The following RIF1 variants were observed in gnomAD, a reference collection of about 807,000 sequenced individuals.
RIF1 encodes replication timing regulatory factor 1, also known as telomere-associated protein RIF1.
A neutral mutation model predicts 247.1 loss-of-function variants in RIF1; 45 were observed. The ratio of observed to expected loss-of-function variants is 0.18; its 90% CI spans 0.14 to 0.23. The LOEUF is 0.23. RIF1 is among the 10% of genes least tolerant of loss of function. The probability of loss-of-function intolerance (pLI) is 1.00; values close to 1 mark genes in which losing one functional copy is unlikely to be tolerated. For missense variants in RIF1, 2,967 were observed against 2,862.5 expected, an observed-to-expected ratio of 1.04 and a Z score of -0.83; for synonymous variants, 1,087 against 978.8, an observed-to-expected ratio of 1.11 and a Z score of -2.06.
At chr2:151,533,199 C>T in the RIF1 span, among the ~76,000 whole-genome samples, 1 of 152,206 alleles carries the variant, frequency 6.6e-6, no homozygotes, top group Non-Finnish European at 1.5e-5. Flanking sequence ...TTGGAAATAA[C>T]ACTTGAAAGA....
At chr2:151,441,746 TAGTG>T (rs1692328189) in intron 15 of RIF1, among the ~76,000 whole-genome samples, 155 bp from the exon 16 acceptor site, 1 of 152,232 alleles carries the variant, frequency 6.6e-6, no homozygotes, top group Non-Finnish European at 1.5e-5. Context: ...ATATTCATGT[TAGTG>T]AATGAATGTA....
Position 151,443,264 on chromosome 2 carries a change from T to C in RIF1, c.1740T>C (p.Thr580=), listed in dbSNP as rs1423233133. ...GACTTCATTTTCTCCTTCAGGGAAC[T>C]CCAGCTTTGTTCTTAATTCAATTAA... ...QVANMDILNG[T]PALFLIQLIF... The change falls in exon 17 of 36, where the codon ACT becomes ACC. Residue 580 remains threonine, a synonymous_variant. Coordinates refer to ENST00000444746, the MANE Select transcript of RIF1 (RefSeq NM_018151.5). 8 of 1,582,842 alleles carry C rather than the reference T, an allele frequency of 5.1e-6. 1 individual carries two copies. The Middle Eastern group carries it at 9.9e-4, about 197-fold the overall frequency.
chr2:151,531,591 A>ACAGGCATAAGCCACCACGC, the RIF1 span, among the ~76,000 whole-genome samples: 7 of 152,186 alleles, frequency 4.6e-5, no homozygotes, highest in Non-Finnish European at 7.3e-5. Context: ...TGCTGGAATT[A>ACAGGCATAAGCCACCACGC]CAGGCATAAG....
chr2:151,503,313 G>A (rs775980102), intron 12 of RIF1: 1 of 1,457,336 alleles, frequency 6.9e-7, no homozygotes, highest in Admixed American at 1.7e-5. Context: ...AATTTTTTAT[G>A]GGAAATAGTT....
intron 35 of RIF1, 49 bp from the exon 36 acceptor site, chr2:151,474,808 A>C (rs771788869): frequency 1.4e-5 from 15 of 1,084,236 alleles, no homozygotes; most frequent in South Asian, 5.6e-5. Context: ...TAAAAAATTT[A>C]ATTTTTGTCT....
intron 9 of RIF1, among the ~76,000 whole-genome samples, chr2:151,494,412 T>C (rs2058715391): frequency 6.6e-6 from 1 of 152,094 alleles, no homozygotes; most frequent in South Asian, 2.1e-4. Flanking sequence ...GGAAGTTAAG[T>C]GTAGTTACAG....
At chr2:151,511,317 G>C (rs985411740), downstream of RIF1, among the ~76,000 whole-genome samples, 3 of 152,134 alleles carry the variant, frequency 2.0e-5, no homozygotes, top group African/African-American at 7.2e-5. Flanking sequence ...TCCACCATTT[G>C]AATATACCTG....
Position 151,462,989 on chromosome 2 carries a change from TCTCTTGACAAAA to T in RIF1, c.3471_3482del (p.Leu1158_Thr1161del). ...CTCCCTTTCGAATAATGAGTGTGGT[TCTCTTGACAAAA>T]CCAGTCCAGAAATGTCAAACAGTAA... On this transcript the variant is annotated inframe_deletion, in exon 30 of 36. Transcript: ENST00000444746. 2 of 1,614,016 alleles carry T rather than the reference TCTCTTGACAAAA, an allele frequency of 1.2e-6. No individual in the cohort carries two copies. Among genetic ancestry groups the T allele is most frequent in the Non-Finnish European group, 1.7e-6 (2 of 1,179,914 alleles).
intron 6 of RIF1, among the ~76,000 whole-genome samples, chr2:151,417,249 T>C (rs921446856): frequency 6.6e-6 from 1 of 152,178 alleles, no homozygotes; most frequent in Non-Finnish European, 1.5e-5. Context: ...AGGCAGTCAG[T>C]GTTTAGCAGG....
intron 4 of RIF1, among the ~76,000 whole-genome samples, chr2:151,415,527 G>A (rs1687048919): frequency 7.3e-6 from 1 of 137,854 alleles, no homozygotes; most frequent in Non-Finnish European, 1.5e-5. Context: ...CTGGCAGGCA[G>A]AGCTTGCCAC....
chr2:151,502,775 TGGCCCCC>T, intron 11 of RIF1: 1 of 1,404,420 alleles, frequency 7.1e-7, no homozygotes, highest in Non-Finnish European at 1.0e-6. Context: ...TTTTTTTTTT[TGGCCCCC>T]TAAGAAATAC....
chr2:151,456,752 G>A (rs550793011), intron 23 of RIF1, 132 bp downstream of exon 23: 2 of 538,444 alleles, frequency 3.7e-6, no homozygotes, highest in African/African-American at 4.0e-5. Flanking sequence ...TTTTCCTGGA[G>A]ACAGCATTTT....
At chr2:151,508,782 T>C (rs2071431119), downstream of RIF1, among the ~76,000 whole-genome samples, 1 of 152,214 alleles carries the variant, frequency 6.6e-6, no homozygotes, top group South Asian at 2.1e-4. Flanking sequence ...GACATCACTA[T>C]TCCTTGGGCT....
rs746203305 is a variant in RIF1, at chr2:151,465,877, A to G, written c.6357A>G (p.Lys2119=). 2 of 1,613,740 alleles carry G rather than the reference A, an allele frequency of 1.2e-6. No individual in the cohort carries two copies. The highest frequency in any genetic ancestry group is 1.7e-6 in the Non-Finnish European group (2 of 1,179,604). ...AGGAAGATCACCATACTTCACAGAA[A>G]GTGGAGGAACCATCACAGTGTCTGG... is the stretch of plus-strand genomic sequence containing the variant. ...ILQEDHHTSQ[K]VEEPSQCLAS... Residue 2119 remains lysine, a synonymous_variant, in exon 30 of 36, where the codon AAA becomes AAG. Transcript: ENST00000444746.
chr2:151,525,470 T>G, the RIF1 span, among the ~76,000 whole-genome samples: 4 of 152,224 alleles, frequency 2.6e-5, no homozygotes, highest in Non-Finnish European at 5.9e-5. Flanking sequence ...CTGGCAATCT[T>G]CGGAGAACCT....
intron 12 of RIF1, among the ~76,000 whole-genome samples, chr2:151,503,925 TCCCTGGATGTGAGATG>T (rs2066784198): frequency 1.3e-5 from 2 of 152,196 alleles, no homozygotes; most frequent in African/African-American, 4.8e-5. Context: ...AGGAGCCTAG[TCCCTGGATGTGAGATG>T]GCTTAATCAG....
intron 13 of RIF1, chr2:151,506,465 A>AT (rs1007738199): frequency 1.7e-5 from 9 of 521,424 alleles, no homozygotes; most frequent in Admixed American, 1.1e-4. Flanking sequence ...AGATCTTAAG[A>AT]TTTCTTCTAA....
chr2:151,519,120 G>A, the RIF1 span: 3 of 1,173,866 alleles, frequency 2.6e-6, no homozygotes, highest in Admixed American at 5.3e-5. Context: ...AAATGGAACA[G>A]CACTAATGGA....
intron 10 of RIF1, 104 bp from the exon 11 acceptor site, chr2:151,435,359 G>T: frequency 1.4e-6 from 1 of 713,114 alleles, no homozygotes; most frequent in Non-Finnish European, 2.4e-6. Flanking sequence ...TCTGTAAAAT[G>T]GAATATATTA....
Sources: allele counts gnomAD v4.1 joint callset (sites outside exome capture counted in the v4.1 genomes callset), GRCh38; gene constraint gnomAD v4.1.1; transcripts MANE v1.5; gene names NCBI Gene and HGNC (gene_info 2026-07-23, HGNC 2026-07-21).